CFAP54: variants seen among roughly 807,000 people sequenced by gnomAD.
The protein encoded by CFAP54 is cilia- and flagella-associated protein 54.
A neutral mutation model predicts 370.4 loss-of-function variants in CFAP54; 290 were observed. The ratio of observed to expected loss-of-function variants is 0.78; its 90% CI spans 0.71 to 0.86. The LOEUF is 0.86. Ranked by LOEUF, CFAP54 falls within the 40% of genes least tolerant of loss-of-function variation. The probability of loss-of-function intolerance (pLI) is 0.00; values close to 1 mark genes in which losing one functional copy is unlikely to be tolerated. For missense variants in CFAP54, 3,399 were observed against 3,528.7 expected (o/e 0.96, Z 0.93); for synonymous variants, 1,206 against 1,236.5 (o/e 0.98, Z 0.52).
intron 46 of CFAP54, among the ~76,000 whole-genome samples, chr12:96,702,194 A>G (rs1957498987): frequency 6.6e-6 from 1 of 151,970 alleles, no homozygotes; most frequent in Non-Finnish European, 1.5e-5. Context: ...TTTTTCGTGT[A>G]CTGAGATGGG....
chr12:96,561,947 G>A (rs765518341), intron 17 of CFAP54, among the ~76,000 whole-genome samples: 5 of 151,726 alleles, frequency 3.3e-5, no homozygotes, highest in Non-Finnish European at 7.4e-5. Flanking sequence ...CAACATGCCC[G>A]GCTAATTTTT....
chr12:96,664,779 A>C (rs1565934491), intron 39 of CFAP54, among the ~76,000 whole-genome samples: 3 of 13,866 alleles, frequency 2.2e-4, no homozygotes, highest in Non-Finnish European at 4.4e-4. Context: ...ATCTATATCT[A>C]TATATATATA....
At chr12:96,778,534 G>A (rs1474165905) in intron 60 of CFAP54, among the ~76,000 whole-genome samples, 2 of 152,128 alleles carry the variant, frequency 1.3e-5, no homozygotes, top group African/African-American at 4.8e-5. Context: ...TTACATCTTA[G>A]TAGCATCACC....
chr12:96,529,987 G>C (rs1288260850), intron 9 of CFAP54, among the ~76,000 whole-genome samples: 1 of 152,144 alleles, frequency 6.6e-6, no homozygotes, highest in Non-Finnish European at 1.5e-5. Context: ...TCTATAATTA[G>C]AAATTAGATC....
chr12:96,638,284 A>T lies in CFAP54; in HGVS notation c.4317-5894A>T, dbSNP rs551071401. ...ATTTTTTTTTGGTTATCCAGGCTGGAGTGCAGTGGTACCATCATAGCTCAC... is the reference window on the plus strand; with the variant it reads ...ATTTTTTTTTGGTTATCCAGGCTGGTGTGCAGTGGTACCATCATAGCTCAC... On this transcript the variant is annotated intron_variant, in intron 32 of 67. Transcript: ENST00000524981. 1.4e-4 allele frequency among the ~76,000 whole-genome samples: 21 copies of T among 146,292 alleles called. 1 individual carries two copies. In the South Asian group the frequency reaches 4.3e-3, roughly 30 times the overall value.
chr12:96,603,424 A>G (rs1956265523), intron 26 of CFAP54, among the ~76,000 whole-genome samples: 1 of 152,076 alleles, frequency 6.6e-6, no homozygotes. Context: ...GAATCTGACA[A>G]TTATGTGTCT....
intron 50 of CFAP54, among the ~76,000 whole-genome samples, chr12:96,736,080 G>A (rs376826830): frequency 4.6e-5 from 7 of 152,098 alleles, no homozygotes; most frequent in Non-Finnish European, 7.4e-5. Flanking sequence ...TGACAGAATC[G>A]CAACTTAAGC....
chr12:96,523,686 G>C (rs1955344650), intron 8 of CFAP54, among the ~76,000 whole-genome samples: 1 of 116,840 alleles, frequency 8.6e-6, no homozygotes, highest in Non-Finnish European at 1.7e-5. Flanking sequence ...AAAGGACAGG[G>C]AACAATTTTT....
At chr12:96,614,526 G>A (rs1413168761) in intron 26 of CFAP54, among the ~76,000 whole-genome samples, 1 of 152,112 alleles carries the variant, frequency 6.6e-6, no homozygotes, top group Non-Finnish European at 1.5e-5. Context: ...CAATCAGGCA[G>A]GAGAAAGAAA....
intron 66 of CFAP54, among the ~76,000 whole-genome samples, chr12:96,836,287 G>A (rs2136767935): frequency 6.6e-6 from 1 of 152,328 alleles, no homozygotes; most frequent in South Asian, 2.1e-4. Context: ...GTCATTGAGT[G>A]TGATGGGTGA....
chr12:96,687,773 G>A (rs889356052), intron 42 of CFAP54, among the ~76,000 whole-genome samples: 1 of 152,112 alleles, frequency 6.6e-6, no homozygotes, highest in Non-Finnish European at 1.5e-5. Context: ...CAAAATCTGA[G>A]CTTGTGACTT....
At chr12:96,825,419 CAT>C (rs1304775733) in intron 65 of CFAP54, among the ~76,000 whole-genome samples, 1 of 98,396 alleles carries the variant, frequency 1.0e-5, no homozygotes, top group Non-Finnish European at 1.9e-5. Context: ...TAATATGTAA[CAT>C]GTTATATTAT....
At chr12:96,575,881 T>TA (rs1053193680) in intron 19 of CFAP54, among the ~76,000 whole-genome samples, 9 of 152,136 alleles carry the variant, frequency 5.9e-5, no homozygotes, top group African/African-American at 2.2e-4. Flanking sequence ...CATGGGTTTT[T>TA]ACTTAGAGCT....
chr12:96,778,551 C>G (rs937843922), intron 60 of CFAP54, among the ~76,000 whole-genome samples: 12 of 152,152 alleles, frequency 7.9e-5, no homozygotes, highest in Admixed American at 7.2e-4. Flanking sequence ...CACCTGTCTC[C>G]TTCTCTATAC....
At position 96,580,905 on chromosome 12, in the gene CFAP54, T is replaced by C; in HGVS notation, c.2890-15T>C. 1.4e-6 allele frequency: 2 copies of C among 1,450,338 alleles called. No homozygotes were observed. Among genetic ancestry groups the C allele is most frequent in the East Asian group, 2.6e-5 (1 of 39,102 alleles). The allele number at this position is 1,450,338 out of a possible 1,614,324, so 89.8% of individuals were successfully genotyped here. A position where few individuals can be genotyped will look rare whatever the true frequency, so the allele number is the denominator to read the frequency against. On this transcript the variant is annotated splice_polypyrimidine_tract_variant and intron_variant, in intron 21 of 67. Coordinates refer to ENST00000524981, the MANE Select transcript of CFAP54 (RefSeq NM_001306084.2). ...AATTTTTCATGTATAACTTGAAATA[T>C]ATTTTTCTTAATAGATACCAGCTGA...
At chr12:96,594,229 GTAGAGACA>G (rs1956152966) in intron 24 of CFAP54, 54 bp from the exon 25 acceptor site, 15 of 1,186,556 alleles carry the variant, frequency 1.3e-5, no homozygotes, top group Non-Finnish European at 1.6e-5. Flanking sequence ...CCCATTCTCC[GTAGAGACA>G]CATACGCTAA....
intron 50 of CFAP54, among the ~76,000 whole-genome samples, chr12:96,723,829 TC>T (rs1957791945): frequency 1.6e-5 from 1 of 61,298 alleles, no homozygotes; most frequent in Non-Finnish European, 2.9e-5. Flanking sequence ...CCCTCCCCCC[TC>T]CCCCCACCCC....
At chr12:96,719,617 G>A (rs1384593440) in intron 49 of CFAP54, among the ~76,000 whole-genome samples, 1 of 152,178 alleles carries the variant, frequency 6.6e-6, no homozygotes, top group Non-Finnish European at 1.5e-5. Context: ...CAACACTCTT[G>A]GCACTCTGTT....
At chr12:96,551,116 C>T (rs1356556610) in intron 15 of CFAP54, among the ~76,000 whole-genome samples, 9 of 151,954 alleles carry the variant, frequency 5.9e-5, no homozygotes, top group African/African-American at 1.7e-4. Context: ...AAAAAAAATA[C>T]AAAAATTAGC....
Sources: allele counts gnomAD v4.1 joint callset (sites outside exome capture counted in the v4.1 genomes callset), GRCh38; gene constraint gnomAD v4.1.1; transcripts MANE v1.5; gene names NCBI Gene and HGNC (gene_info 2026-07-23, HGNC 2026-07-21).